ACTR3C: variants seen among roughly 807,000 people sequenced by gnomAD.
The protein encoded by ACTR3C is actin-related protein 3C.
ACTR3C carries 18 observed loss-of-function variants against 26.3 expected under a neutral mutation model. The ratio of observed to expected loss-of-function variants is 0.68; its 90% CI spans 0.47 to 1.01. ACTR3C has a LOEUF of 1.01. ACTR3C is among the 50% of genes least tolerant of loss of function. The probability of loss-of-function intolerance (pLI) is 0.00; values close to 1 mark genes in which losing one functional copy is unlikely to be tolerated. For missense variants in ACTR3C, 184 were observed against 250.7 expected (o/e 0.73, Z 1.80); for synonymous variants, 55 against 94.5 (o/e 0.58, Z 2.42).
the ACTR3C span, among the ~76,000 whole-genome samples, chr7:150,146,385 CAA>C: frequency 1.3e-5 from 2 of 152,154 alleles, no homozygotes; most frequent in African/African-American, 4.8e-5. Flanking sequence ...AGCTGTAAGA[CAA>C]AGAGTTCCAC....
At chr7:150,252,165 TG>T (rs1297266855) in intron 6 of ACTR3C, among the ~76,000 whole-genome samples, 9 of 152,184 alleles carry the variant, frequency 5.9e-5, no homozygotes, top group African/African-American at 2.2e-4. Context: ...TGTGTGTGTG[TG>T]TGCAATGAAA....
chr7:150,084,281 T>C, the ACTR3C span, among the ~76,000 whole-genome samples: 2 of 152,208 alleles, frequency 1.3e-5, no homozygotes, highest in African/African-American at 2.4e-5. Context: ...AATGTTTCCA[T>C]TTTTAAAATT....
the ACTR3C span, among the ~76,000 whole-genome samples, chr7:149,947,173 A>T: frequency 6.6e-6 from 1 of 150,688 alleles, no homozygotes; most frequent in Admixed American, 6.6e-5. Flanking sequence ...AACATTTGGG[A>T]TTCCTATCCT....
At chr7:149,923,159 A>G in the ACTR3C span, among the ~76,000 whole-genome samples, 1 of 150,574 alleles carries the variant, frequency 6.6e-6, no homozygotes, top group African/African-American at 2.4e-5. Flanking sequence ...AAGTGCACCA[A>G]AAAAGATATT....
the ACTR3C span, among the ~76,000 whole-genome samples, chr7:150,059,954 T>C: frequency 6.6e-6 from 1 of 152,232 alleles, no homozygotes; most frequent in East Asian, 1.9e-4. Flanking sequence ...CCTAAGAACA[T>C]ATATAGAATT....
At chr7:150,222,418 G>A in the ACTR3C span, among the ~76,000 whole-genome samples, 2 of 152,254 alleles carry the variant, frequency 1.3e-5, no homozygotes, top group Admixed American at 1.3e-4. Context: ...ATGTGCAGCA[G>A]GTGCTTCGCA....
At chr7:149,882,910 A>AAGTT in the ACTR3C span, among the ~76,000 whole-genome samples, 2 of 152,018 alleles carry the variant, frequency 1.3e-5, no homozygotes, top group Non-Finnish European at 2.9e-5. Flanking sequence ...GCAGTGATGG[A>AAGTT]AGTTAGGTTC....
At chr7:150,250,492 T>C (rs111860588) in intron 6 of ACTR3C, among the ~76,000 whole-genome samples, 9,665 of 151,844 alleles carry the variant, frequency 0.064, 1,158 homozygotes, top group African/African-American at 0.22. Flanking sequence ...CTTGAGCCAC[T>C]GCGCCCGGCC....
chr7:149,942,020 C>G, the ACTR3C span, among the ~76,000 whole-genome samples: 1 of 152,228 alleles, frequency 6.6e-6, no homozygotes, highest in African/African-American at 2.4e-5. Context: ...GCATCTGTCT[C>G]TCTGCCCTGG....
the ACTR3C span, among the ~76,000 whole-genome samples, chr7:150,048,085 G>C: frequency 6.6e-6 from 1 of 151,526 alleles, no homozygotes; most frequent in African/African-American, 2.4e-5. Flanking sequence ...GGCTCGCGAA[G>C]CCGGGGCTCT....
the ACTR3C span, among the ~76,000 whole-genome samples, chr7:150,127,091 C>G: frequency 6.6e-6 from 1 of 151,502 alleles, no homozygotes; most frequent in Non-Finnish European, 1.5e-5. Flanking sequence ...GAGACCACAG[C>G]GCTCTCTCTG....
chr7:150,087,353 G>A, the ACTR3C span, among the ~76,000 whole-genome samples: 1 of 152,188 alleles, frequency 6.6e-6, no homozygotes, highest in Non-Finnish European at 1.5e-5. Flanking sequence ...TGAAGTAGGA[G>A]AGATTTGTGG....
the ACTR3C span, among the ~76,000 whole-genome samples, chr7:150,025,760 T>C: frequency 6.6e-6 from 1 of 152,154 alleles, no homozygotes; most frequent in Non-Finnish European, 1.5e-5. Context: ...ACCGGCTTAT[T>C]GCCTAATTCC....
chr7:150,161,941 A>G, the ACTR3C span, among the ~76,000 whole-genome samples: 1 of 152,138 alleles, frequency 6.6e-6, no homozygotes, highest in Non-Finnish European at 1.5e-5. Flanking sequence ...CAGGTTATAA[A>G]CAACAAAATA....
chr7:150,316,687 T>C (rs1796954128), intron 1 of ACTR3C, among the ~76,000 whole-genome samples: 1 of 152,152 alleles, frequency 6.6e-6, no homozygotes, highest in African/African-American at 2.4e-5. Context: ...GGTTTCACCA[T>C]GTTGGCCAGG....
the ACTR3C span, among the ~76,000 whole-genome samples, chr7:149,970,248 G>A: frequency 3.3e-5 from 5 of 151,748 alleles, no homozygotes; most frequent in Admixed American, 3.3e-4. Flanking sequence ...AATTCAAGCA[G>A]AGACTGAAGC....
chr7:149,976,845 T>C, the ACTR3C span, among the ~76,000 whole-genome samples: 1 of 151,594 alleles, frequency 6.6e-6, no homozygotes, highest in South Asian at 2.1e-4. Flanking sequence ...TCGAGTGGGG[T>C]ACAGCATCGC....
chr7:149,921,399 A>C, the ACTR3C span, among the ~76,000 whole-genome samples: 1 of 152,158 alleles, frequency 6.6e-6, no homozygotes, highest in Non-Finnish European at 1.5e-5. Flanking sequence ...GTACTACCTC[A>C]TGTAACCTCC....
At chr7:150,187,228 C>G in the ACTR3C span, among the ~76,000 whole-genome samples, 7 of 150,132 alleles carry the variant, frequency 4.7e-5, no homozygotes, top group Non-Finnish European at 1.0e-4. Context: ...TTATGCTTGT[C>G]TTCTTATATA....
Sources: allele counts gnomAD v4.1 joint callset (sites outside exome capture counted in the v4.1 genomes callset), GRCh38; gene constraint gnomAD v4.1.1; transcripts MANE v1.5; gene names NCBI Gene and HGNC (gene_info 2026-07-23, HGNC 2026-07-21).